The following PTPRD variants were observed in gnomAD, a reference collection of about 807,000 sequenced individuals.
PTPRD encodes the protein protein tyrosine phosphatase receptor type D, also known as receptor-type tyrosine-protein phosphatase delta.
In PTPRD, 34 loss-of-function variants were observed where a neutral mutation model predicts 214.5. The observed-to-expected ratio is 0.16, with a 90% CI of 0.12 to 0.21. PTPRD has a LOEUF of 0.21. Ranked by LOEUF, PTPRD falls within the 10% of genes least tolerant of loss-of-function variation. The pLI, the probability that PTPRD is intolerant of heterozygous loss-of-function variation, is 1.00. For missense variants in PTPRD, 2,545 were observed against 2,398.7 expected (o/e 1.06, Z -1.27); for synonymous variants, 1,128 against 845.7 (o/e 1.33, Z -5.79).
At chr9:9,617,289 C>A (rs1022646581) in intron 7 of PTPRD, among the ~76,000 whole-genome samples, 1 of 152,246 alleles carries the variant, frequency 6.6e-6, no homozygotes. Context: ...AAAACTAATT[C>A]AGGTCCTCTG....
At chr9:10,011,861 C>G (rs1360432848) in intron 4 of PTPRD, among the ~76,000 whole-genome samples, 1 of 151,986 alleles carries the variant, frequency 6.6e-6, no homozygotes, top group East Asian at 1.9e-4. Flanking sequence ...AATCAGTACC[C>G]TCAGTTTTGG....
chr9:9,780,460 T>C (rs182175521), intron 5 of PTPRD, among the ~76,000 whole-genome samples: 2 of 152,268 alleles, frequency 1.3e-5, no homozygotes, highest in East Asian at 3.9e-4. Context: ...AACAGACATC[T>C]CACCAAAGAA....
At chr9:8,614,195 A>G (rs2095538356) in intron 14 of PTPRD, among the ~76,000 whole-genome samples, 1 of 152,144 alleles carries the variant, frequency 6.6e-6, no homozygotes, top group African/African-American at 2.4e-5. Context: ...CATTCTTCAT[A>G]TTTGTGAATT....
intron 8 of PTPRD, among the ~76,000 whole-genome samples, chr9:9,557,794 G>A (rs188414206): frequency 3.9e-5 from 6 of 152,302 alleles, no homozygotes; most frequent in Admixed American, 3.3e-4. Flanking sequence ...GTCAGGTCCT[G>A]GAGTCCTGGT....
chr9:9,031,305 G>A (rs1328116733), intron 10 of PTPRD, among the ~76,000 whole-genome samples: 3 of 151,944 alleles, frequency 2.0e-5, no homozygotes, highest in African/African-American at 4.8e-5. Context: ...TAATGACAGC[G>A]ATTTATTCTG....
chr9:9,234,330 G>T (rs948307432), intron 9 of PTPRD, among the ~76,000 whole-genome samples: 2 of 152,144 alleles, frequency 1.3e-5, no homozygotes, highest in Admixed American at 6.5e-5. Flanking sequence ...ATGTCCTGAG[G>T]ATGCATAGAG....
At chr9:9,503,599 A>G (rs578232197) in intron 8 of PTPRD, among the ~76,000 whole-genome samples, 2 of 151,920 alleles carry the variant, frequency 1.3e-5, no homozygotes, top group Non-Finnish European at 2.9e-5. Context: ...AATATTGCAT[A>G]GGAATCAATG....
At chr9:8,640,699 A>G (rs1399495060) in intron 12 of PTPRD, among the ~76,000 whole-genome samples, 5 of 149,238 alleles carry the variant, frequency 3.4e-5, no homozygotes, top group Non-Finnish European at 7.4e-5. Flanking sequence ...AAAAAAAAAT[A>G]CATATATATA....
chr9:9,697,809 T>C (rs1005944614), intron 7 of PTPRD, among the ~76,000 whole-genome samples: 4 of 152,190 alleles, frequency 2.6e-5, no homozygotes, highest in African/African-American at 7.2e-5. Flanking sequence ...ATTTCCTCTT[T>C]TGAGATAATT....
intron 7 of PTPRD, among the ~76,000 whole-genome samples, chr9:9,687,971 T>A (rs987910859): frequency 2.6e-5 from 4 of 151,798 alleles, no homozygotes; most frequent in South Asian, 2.1e-4. Context: ...CACGCTGTTT[T>A]CATAATAGTG....
chr9:10,569,454 C>G (rs2066731182), intron 2 of PTPRD, among the ~76,000 whole-genome samples: 1 of 151,880 alleles, frequency 6.6e-6, no homozygotes, highest in Non-Finnish European at 1.5e-5. Flanking sequence ...GGAATACATT[C>G]TCTTTAATCT....
chr9:9,847,409 T>C (rs1475118149), intron 5 of PTPRD, among the ~76,000 whole-genome samples: 3 of 152,182 alleles, frequency 2.0e-5, no homozygotes, highest in Non-Finnish European at 2.9e-5. Flanking sequence ...CAGGAAATTT[T>C]ATACAATTGA....
intron 39 of PTPRD, among the ~76,000 whole-genome samples, chr9:8,349,111 G>C (rs182436281): frequency 2.2e-3 from 341 of 152,054 alleles, no homozygotes; most frequent in African/African-American, 7.3e-3. Context: ...TAACACATAG[G>C]GGAACATTTC....
At position 10,206,314 on chromosome 9, in the gene PTPRD, C is replaced by T. The variant is rs115246827; in HGVS notation, c.-545+134649G>A. Among the ~76,000 whole-genome samples, 314 of 152,232 alleles carry T rather than the reference C, an allele frequency of 2.1e-3. 4 individuals are homozygous for T. Among genetic ancestry groups the T allele is most frequent in the African/African-American group, 7.2e-3 (297 of 41,532 alleles). On this transcript the variant is annotated intron_variant, in intron 3 of 45. Coordinates refer to ENST00000381196, the MANE Select transcript of PTPRD (RefSeq NM_002839.4). ...ATGCTAAACCATAAAGGGTTAGTGC[C>T]ATATCTCATACCAAAGAATCTCTGC...
intron 11 of PTPRD, among the ~76,000 whole-genome samples, chr9:8,784,587 C>T (rs1436048607): frequency 6.6e-6 from 1 of 152,164 alleles, no homozygotes; most frequent in Non-Finnish European, 1.5e-5. Context: ...TAAACAGCGT[C>T]AGAACCTTTC....
At chr9:8,672,920 G>A (rs1029246720) in intron 12 of PTPRD, among the ~76,000 whole-genome samples, 3 of 151,858 alleles carry the variant, frequency 2.0e-5, no homozygotes, top group Non-Finnish European at 2.9e-5. Context: ...TTTCAATTCT[G>A]CCAATTAAAA....
intron 2 of PTPRD, among the ~76,000 whole-genome samples, chr9:10,576,317 C>T (rs9298660): frequency 0.82 from 125,323 of 152,048 alleles, 51,914 homozygotes; most frequent in East Asian, 0.93. Flanking sequence ...TATACTGTGA[C>T]TTTGAGGGAA....
At chr9:9,722,411 T>G (rs1201711760) in intron 7 of PTPRD, among the ~76,000 whole-genome samples, 1 of 152,134 alleles carries the variant, frequency 6.6e-6, no homozygotes. Context: ...TCATTTCTTT[T>G]ACTTTTGGAA....
intron 3 of PTPRD, among the ~76,000 whole-genome samples, chr9:10,119,260 C>G (rs2098755904): frequency 6.6e-6 from 1 of 151,948 alleles, no homozygotes; most frequent in Admixed American, 6.6e-5. Flanking sequence ...AGATTATTAT[C>G]TCCATACCCT....
Sources: allele counts gnomAD v4.1 joint callset (sites outside exome capture counted in the v4.1 genomes callset), GRCh38; gene constraint gnomAD v4.1.1; transcripts MANE v1.5; gene names NCBI Gene and HGNC (gene_info 2026-07-23, HGNC 2026-07-21).